MYO18B: variants seen among roughly 807,000 people sequenced by gnomAD.
The protein encoded by MYO18B is unconventional myosin-XVIIIb.
MYO18B carries 204 observed loss-of-function variants against 273.0 expected under a neutral mutation model. That is an observed-to-expected ratio of 0.75 (90% CI 0.67 to 0.84). MYO18B has a LOEUF of 0.84. MYO18B is among the 40% of genes least tolerant of loss of function. The pLI, the probability that MYO18B is intolerant of heterozygous loss-of-function variation, is 0.00. For synonymous variants in MYO18B, 1,330 were observed against 1,305.7 expected (o/e 1.02, Z -0.40); for missense variants, 3,212 against 3,287.6 (o/e 0.98, Z 0.56).
At chr22:25,958,410 C>T (rs1317257066) in intron 39 of MYO18B, among the ~76,000 whole-genome samples, 2 of 152,170 alleles carry the variant, frequency 1.3e-5, no homozygotes, top group Admixed American at 6.5e-5. Flanking sequence ...AAGGTCGGGC[C>T]AGCAGCCTCT....
In MYO18B at chr22:25,894,321, G is replaced by T. The variant is rs60974970; in HGVS notation, c.4544-835G>T. On this transcript the variant is annotated intron_variant, in intron 27 of 43. Transcript: ENST00000335473. ...CAATGAGTGTGTGAATGGATGGATG[G>T]AAGGATGGATGGATGGATGATAGAT... Among the ~76,000 whole-genome samples the T allele has an allele frequency of 2.2e-3, 332 of 152,268 alleles. 1 individual carries two copies. Among genetic ancestry groups the T allele is most frequent in the African/African-American group, 7.5e-3 (310 of 41,544 alleles).
At position 25,826,389 on chromosome 22, in the gene MYO18B, G is replaced by T; in HGVS notation, c.2696-20G>T. 6.2e-7 allele frequency: 1 copy of T among 1,601,320 alleles called. No individual in the cohort carries two copies. The highest frequency in any genetic ancestry group is 1.1e-5 in the South Asian group (1 of 89,364). ...GGCAAGATCCCTAACCAAGAATGCT[G>T]ATTCTGTCCTCTTTCCCAGGGCTCA... is the stretch of plus-strand genomic sequence containing the variant. On this transcript the variant is annotated intron_variant, in intron 13 of 43. Coordinates refer to ENST00000335473, the MANE Select transcript of MYO18B (RefSeq NM_032608.7).
intron 39 of MYO18B, among the ~76,000 whole-genome samples, chr22:25,987,449 C>A (rs759481287): frequency 4.4e-4 from 67 of 152,094 alleles, no homozygotes; most frequent in Non-Finnish European, 8.2e-4. Context: ...TATTATTGTA[C>A]TGATCTCTGT....
At chr22:25,787,979 G>A (rs2087475167) in intron 11 of MYO18B, among the ~76,000 whole-genome samples, 1 of 152,190 alleles carries the variant, frequency 6.6e-6, no homozygotes, top group South Asian at 2.1e-4. Context: ...GACCCAAGCT[G>A]GGGTCCTCTG....
intron 43 of MYO18B, among the ~76,000 whole-genome samples, chr22:26,028,081 TA>T (rs999639483): frequency 5.9e-5 from 9 of 151,964 alleles, no homozygotes; most frequent in African/African-American, 1.9e-4. Context: ...TCGTCTCTAC[TA>T]AAAATACAAA....
chr22:25,888,240 G>A (rs1177108049), intron 25 of MYO18B, among the ~76,000 whole-genome samples: 2 of 152,098 alleles, frequency 1.3e-5, no homozygotes, highest in East Asian at 3.9e-4. Context: ...TGGTTTGGGG[G>A]TCTGAGAGTC....
At chr22:26,017,980 T>G (rs1163588255) in intron 42 of MYO18B, among the ~76,000 whole-genome samples, 3 of 129,990 alleles carry the variant, frequency 2.3e-5, no homozygotes, top group African/African-American at 5.4e-5. Flanking sequence ...TTTTTTTTTT[T>G]TTTTTTTTTT....
chr22:25,771,941 C>T (rs923822839), intron 6 of MYO18B, among the ~76,000 whole-genome samples: 1 of 152,212 alleles, frequency 6.6e-6, no homozygotes, highest in Non-Finnish European at 1.5e-5. Flanking sequence ...TTGAGAGCTT[C>T]CTCGTAAGAC....
chr22:25,920,099 C>T (rs1421362627), intron 33 of MYO18B, among the ~76,000 whole-genome samples: 1 of 152,172 alleles, frequency 6.6e-6, no homozygotes, highest in Admixed American at 6.5e-5. Context: ...TTCTCAACCC[C>T]ATGTTTTTTC....
Position 25,846,149 on chromosome 22 carries a change from T to C in MYO18B, c.3418T>C (p.Cys1140Arg). ...GGCCCGGGCCAAGCTGCCTCCTGTG[T>C]GCCGGGCTGTGGCAGGCCTGGAGGG... ...FQARAKLPPV[C>R]RAVAGLEGTS... The change falls in exon 19 of 44, where the codon TGC (cysteine) becomes CGC (arginine). Residue 1140 changes from cysteine (C) to arginine (R), a missense_variant. Cys to Arg is a radical substitution (Grantham distance 180). Transcript: ENST00000335473. 1 of 1,607,844 alleles carries C rather than the reference T, an allele frequency of 6.2e-7. No homozygotes were observed. Among genetic ancestry groups the C allele is most frequent in the Non-Finnish European group, 8.5e-7 (1 of 1,178,034 alleles).
chr22:25,954,736 G>T (rs2092828827), intron 38 of MYO18B, among the ~76,000 whole-genome samples: 1 of 152,086 alleles, frequency 6.6e-6, no homozygotes, highest in Non-Finnish European at 1.5e-5. Flanking sequence ...TTTCGAGACA[G>T]GGTCTCTCTC....
At chr22:25,812,620 G>A (rs1324528899) in intron 12 of MYO18B, among the ~76,000 whole-genome samples, 2 of 152,206 alleles carry the variant, frequency 1.3e-5, no homozygotes, top group African/African-American at 4.8e-5. Flanking sequence ...TGTGCAGAGG[G>A]CCTTGGACAA....
chr22:25,970,551 G>T (rs757789175), intron 39 of MYO18B, among the ~76,000 whole-genome samples: 10 of 151,958 alleles, frequency 6.6e-5, no homozygotes, highest in Admixed American at 1.3e-4. Context: ...TCTGCCGCCC[G>T]CCCGCTTGGA....
intron 39 of MYO18B, among the ~76,000 whole-genome samples, chr22:25,966,547 T>G (rs1269476817): frequency 6.6e-6 from 1 of 152,164 alleles, no homozygotes; most frequent in Non-Finnish European, 1.5e-5. Context: ...GACAGGGAGA[T>G]AGCCCTCCTA....
At chr22:25,922,018 T>C (rs2092355393) in intron 34 of MYO18B, among the ~76,000 whole-genome samples, 1 of 152,204 alleles carries the variant, frequency 6.6e-6, no homozygotes, top group African/African-American at 2.4e-5. Flanking sequence ...GACCACTGGC[T>C]GCTACCAGCT....
intron 17 of MYO18B, among the ~76,000 whole-genome samples, chr22:25,841,987 C>T (rs1340080426): frequency 1.3e-5 from 2 of 152,216 alleles, no homozygotes; most frequent in African/African-American, 2.4e-5. Context: ...GCTCTGAAAG[C>T]GTCACAGGAC....
intron 36 of MYO18B, among the ~76,000 whole-genome samples, chr22:25,948,490 T>TTTC: frequency 7.2e-6 from 1 of 139,594 alleles, no homozygotes; most frequent in African/African-American, 2.7e-5. Context: ...TTCTTTCTCT[T>TTTC]TCTTTCTTTC....
intron 11 of MYO18B, among the ~76,000 whole-genome samples, chr22:25,789,052 C>T (rs1219439255): frequency 1.3e-5 from 2 of 150,102 alleles, no homozygotes; most frequent in South Asian, 2.1e-4. Context: ...CTTTCTTTTT[C>T]TTCTCTTTCT....
intron 1 of MYO18B, among the ~76,000 whole-genome samples, chr22:25,757,150 TATATGGC>T: frequency 6.6e-6 from 1 of 152,348 alleles, no homozygotes; most frequent in Non-Finnish European, 1.5e-5. Flanking sequence ...ATACGCCTCT[TATATGGC>T]ATACTATTCT....
Sources: gnomAD v4.1 joint callset for allele counts (sites outside exome capture counted in the v4.1 genomes callset) on GRCh38, gnomAD v4.1.1 for gene constraint, MANE v1.5 for transcripts, NCBI Gene and HGNC (gene_info 2026-07-23, HGNC 2026-07-21) for gene names.